PCBD2: variants seen among roughly 807,000 people sequenced by gnomAD.
The protein encoded by PCBD2 is pterin-4-alpha-carbinolamine dehydratase 2.
Under a neutral mutation model 16.4 loss-of-function variants are expected in PCBD2, and 12 were observed. The ratio of observed to expected loss-of-function variants is 0.73; its 90% CI spans 0.47 to 1.19. The LOEUF is 1.19. Among genes scored for constraint, PCBD2 ranks in the 50% most tolerant of loss-of-function variants. The pLI is 0.00. For synonymous variants in PCBD2, 58 were observed against 61.8 expected (o/e 0.94, Z 0.29); for missense variants, 138 against 156.8 (o/e 0.88, Z 0.64).
At chr5:134,939,831 G>A (rs1751203572) in intron 2 of PCBD2, among the ~76,000 whole-genome samples, 1 of 152,084 alleles carries the variant, frequency 6.6e-6, no homozygotes, top group Non-Finnish European at 1.5e-5. Flanking sequence ...GCCAGACAGA[G>A]CCCTCTAGAT....
intron 1 of PCBD2, chr5:134,909,151 CCTGG>C (rs1750734132): frequency 6.6e-6 from 1 of 152,282 alleles, no homozygotes; most frequent in Non-Finnish European, 1.5e-5. Flanking sequence ...ACCAACAGAA[CCTGG>C]CTTTGTGAAT....
intron 2 of PCBD2, among the ~76,000 whole-genome samples, chr5:134,935,604 C>T (rs2149536311): frequency 1.3e-5 from 2 of 152,182 alleles, no homozygotes; most frequent in South Asian, 4.1e-4. Flanking sequence ...TCTTTGGTGT[C>T]CTCTCATTTG....
intron 2 of PCBD2, among the ~76,000 whole-genome samples, chr5:134,921,480 G>A (rs1402543469): frequency 6.6e-6 from 1 of 152,076 alleles, no homozygotes; most frequent in African/African-American, 2.4e-5. Context: ...GGAGTAAGAG[G>A]ACATACTTTG....
chr5:134,957,077 A>C (rs1467877186), intron 2 of PCBD2, among the ~76,000 whole-genome samples: 1 of 152,104 alleles, frequency 6.6e-6, no homozygotes, highest in East Asian at 1.9e-4. Flanking sequence ...AGCCTGGCCA[A>C]GATAGTGAAA....
intron 2 of PCBD2, among the ~76,000 whole-genome samples, chr5:134,945,312 T>G (rs1204578281): frequency 6.6e-6 from 1 of 152,210 alleles, no homozygotes; most frequent in Non-Finnish European, 1.5e-5. Flanking sequence ...GCTGCGTGCC[T>G]GTCAACCCTA....
At chr5:134,906,587 C>A (rs1750693911) in intron 1 of PCBD2, among the ~76,000 whole-genome samples, 2 of 152,198 alleles carry the variant, frequency 1.3e-5, no homozygotes, top group Admixed American at 1.3e-4. Flanking sequence ...GGCGTGTCTT[C>A]AGGCGTACTC....
chr5:134,907,253 C>CT (rs934729930), intron 1 of PCBD2, among the ~76,000 whole-genome samples: 11 of 151,930 alleles, frequency 7.2e-5, no homozygotes, highest in African/African-American at 9.6e-5. Flanking sequence ...AGAATTCTTT[C>CT]TTTTTTTTTG....
At position 134,960,680 on chromosome 5, in the gene PCBD2, G is replaced by T; in HGVS notation, c.392G>T (p.Ter131LeuextTer7). 1 of 1,603,966 alleles carries T rather than the reference G, an allele frequency of 6.2e-7. No individual in the cohort carries two copies. The highest frequency in any genetic ancestry group is 1.1e-5 in the South Asian group (1 of 90,520). The change falls in exon 4 of 4, where the codon TGA becomes TTA. Residue 131 changes from the stop codon to leucine (L), a stop_lost. Transcript: ENST00000254908. Reference protein sequence around the residue: ...KFIEKAAASV* With the variant: ...KFIEKAAASVL ...ATTGAAAAAGCAGCTGCTTCTGTGT[G>T]ATTTCTTCCAAAATACATGTAAAAT... is the stretch of plus-strand genomic sequence containing the variant.
chr5:134,948,266 C>T (rs753141723), intron 2 of PCBD2, among the ~76,000 whole-genome samples: 13 of 152,164 alleles, frequency 8.5e-5, no homozygotes, highest in Non-Finnish European at 1.5e-4. Flanking sequence ...AACTTAGGTG[C>T]AGAGGAATTT....
chr5:134,939,852 C>T (rs1580889681), intron 2 of PCBD2, among the ~76,000 whole-genome samples: 1 of 152,156 alleles, frequency 6.6e-6, no homozygotes, highest in African/African-American at 2.4e-5. Flanking sequence ...TCTTTCCCAA[C>T]CACCATGAAA....
intron 2 of PCBD2, 106 bp from the exon 3 acceptor site, chr5:134,958,934 C>G: frequency 1.2e-6 from 1 of 808,310 alleles, no homozygotes; most frequent in South Asian, 1.8e-5. Flanking sequence ...ACAGGCTTCC[C>G]TAAGGATCCT....
chr5:134,918,035 C>G (rs187339346), intron 2 of PCBD2, among the ~76,000 whole-genome samples: 22 of 152,278 alleles, frequency 1.4e-4, no homozygotes, highest in Admixed American at 6.5e-4. Context: ...GTGGAAGTCT[C>G]GATAGCTCTC....
At chr5:134,948,549 A>G (rs1486878035) in intron 2 of PCBD2, among the ~76,000 whole-genome samples, 2 of 152,170 alleles carry the variant, frequency 1.3e-5, no homozygotes, top group African/African-American at 4.8e-5. Context: ...GTAGAAATTT[A>G]CTGATGTATT....
intron 2 of PCBD2, among the ~76,000 whole-genome samples, chr5:134,913,497 G>A (rs142103268): frequency 2.0e-3 from 304 of 152,320 alleles, no homozygotes; most frequent in Middle Eastern, 3.4e-3. Flanking sequence ...GTGGAGTGGA[G>A]CAGGCGAGGA....
intron 2 of PCBD2, among the ~76,000 whole-genome samples, chr5:134,916,094 G>C (rs986387516): frequency 6.6e-6 from 1 of 152,180 alleles, no homozygotes; most frequent in African/African-American, 2.4e-5. Context: ...TTTGAGGCTA[G>C]CCTGGGCAAC....
At chr5:134,907,389 G>A (rs1190763476) in intron 1 of PCBD2, among the ~76,000 whole-genome samples, 3 of 152,204 alleles carry the variant, frequency 2.0e-5, no homozygotes, top group African/African-American at 4.8e-5. Context: ...GACTATAGGC[G>A]CGTGCCACCA....
intron 2 of PCBD2, among the ~76,000 whole-genome samples, chr5:134,945,637 A>G (rs1561913906): frequency 6.6e-6 from 1 of 152,226 alleles, no homozygotes; most frequent in South Asian, 2.1e-4. Context: ...ACAGAGACTT[A>G]AAATTTTTCA....
At chr5:134,906,110 G>T (rs1397339331) in intron 1 of PCBD2, among the ~76,000 whole-genome samples, 1 of 151,710 alleles carries the variant, frequency 6.6e-6, no homozygotes, top group African/African-American at 2.4e-5. Context: ...CTGACCTCAG[G>T]TGATCTACCT....
intron 2 of PCBD2, among the ~76,000 whole-genome samples, chr5:134,955,948 C>T (rs901245267): frequency 6.6e-6 from 1 of 152,154 alleles, no homozygotes; most frequent in Non-Finnish European, 1.5e-5. Flanking sequence ...ATCAAACTTT[C>T]GTTTGAGTTT....
Sources: allele counts gnomAD v4.1 joint callset (sites outside exome capture counted in the v4.1 genomes callset), GRCh38; gene constraint gnomAD v4.1.1; transcripts MANE v1.5; gene names NCBI Gene and HGNC (gene_info 2026-07-23, HGNC 2026-07-21).